The following GTF3C5 variants were observed in gnomAD, a reference collection of about 807,000 sequenced individuals.
GTF3C5 encodes the protein general transcription factor IIIC subunit 5, also known as general transcription factor 3C polypeptide 5.
In GTF3C5, 47 loss-of-function variants were observed where a neutral mutation model predicts 61.0. The observed-to-expected ratio is 0.77, with a 90% CI of 0.61 to 0.98. GTF3C5 has a LOEUF of 0.98. GTF3C5 is among the 50% of genes least tolerant of loss of function. The pLI is 0.00. For synonymous variants in GTF3C5, 295 were observed against 275.4 expected (o/e 1.07, Z -0.71); for missense variants, 659 against 703.3 (o/e 0.94, Z 0.71).
Position 133,058,142 on chromosome 9 carries a change from G to T in GTF3C5, c.*162G>T. 6.9e-7 allele frequency: 1 copy of T among 1,453,196 alleles called. No individual in the cohort carries two copies. The highest frequency in any genetic ancestry group is 2.8e-5 in the Admixed American group (1 of 35,856). 90.0% of individuals were successfully genotyped at this position (1,453,196 alleles called of 1,614,324 possible). A position where few individuals can be genotyped will look rare whatever the true frequency, so the allele number is the denominator to read the frequency against. On this transcript the variant is annotated 3_prime_UTR_variant, in exon 11 of 11. Coordinates refer to ENST00000372097, the MANE Select transcript of GTF3C5 (RefSeq NM_012087.4). ...AAGGGTGCAGCTGACCCTAGCACTG[G>T]CTGTGACATGCTGCTTGGTGCTGCC...
At chr9:133,040,423 TATTC>T (rs1364530283) in intron 1 of GTF3C5, among the ~76,000 whole-genome samples, 1 of 152,246 alleles carries the variant, frequency 6.6e-6, no homozygotes, top group African/African-American at 2.4e-5. Context: ...ATTGGGCAAG[TATTC>T]ATTCATATGT....
chr9:133,058,071 C>T lies in GTF3C5; in HGVS notation c.*91C>T, dbSNP rs1367740297. The stretch of plus-strand genomic sequence containing the variant: ...GCTCCCCATTGCCACCCACAGTGCC[C>T]GGAATGGCCCTAGGAGGCCCTCTGA... On this transcript the variant is annotated 3_prime_UTR_variant, in exon 11 of 11. Transcript: ENST00000372097. 15 of 1,579,110 alleles carry T rather than the reference C, an allele frequency of 9.5e-6. No homozygotes were observed. Among genetic ancestry groups the T allele is most frequent in the East Asian group, 6.7e-5 (3 of 44,514 alleles).
At chr9:133,056,697 C>G in intron 9 of GTF3C5, 69 bp from the exon 10 acceptor site, 2 of 1,461,408 alleles carry the variant, frequency 1.4e-6, no homozygotes, top group Non-Finnish European at 9.2e-7. Context: ...CTGGCAAAAA[C>G]CAACACTGGC....
rs760048518 is a variant in GTF3C5 at position 133,057,935 on chromosome 9, C to G, written c.1515C>G (p.Asp505Glu). Residue 505 changes from aspartate (D) to glutamate (E), a missense_variant, in exon 11 of 11, where the codon GAC becomes GAG. Asp to Glu is a conservative substitution (Grantham distance 45, BLOSUM62 2). Transcript: ENST00000372097. ...EEEEEDFKPS[D>E]GSENEMETEI... The stretch of plus-strand genomic sequence containing the variant: ...AGGAGGAGGACTTCAAGCCATCCGA[C>G]GGCAGTGAAAACGAAATGGAGACAG... 1 of 1,613,846 alleles carries G rather than the reference C, an allele frequency of 6.2e-7. No homozygotes were observed. Among genetic ancestry groups the G allele is most frequent in the African/African-American group, 1.3e-5 (1 of 74,924 alleles).
rs1849809565 is a variant in GTF3C5 at position 133,034,365 on chromosome 9, C to CT, written c.153+3204dup. On this transcript the variant is annotated intron_variant, in intron 1 of 10. Coordinates refer to ENST00000372097, the MANE Select transcript of GTF3C5 (RefSeq NM_012087.4). ...ATACTTAACTACATCGGATAGCTGC[C>CT]TTTGAGCTTGTTCGTATCTGCACGG... 3.9e-5 allele frequency among the ~76,000 whole-genome samples: 6 copies of CT among 152,256 alleles called. No homozygotes were observed. In the South Asian group the frequency reaches 1.2e-3, roughly 32 times the overall value.
intron 3 of GTF3C5, among the ~76,000 whole-genome samples, chr9:133,048,584 G>A (rs182949849): frequency 3.9e-5 from 6 of 152,292 alleles, no homozygotes; most frequent in Non-Finnish European, 5.9e-5. Flanking sequence ...CAGGAGAATC[G>A]CTTGAACCCA....
At chr9:133,045,025 C>G (rs1350004545) in intron 3 of GTF3C5, among the ~76,000 whole-genome samples, 1 of 152,170 alleles carries the variant, frequency 6.6e-6, no homozygotes, top group Non-Finnish European at 1.5e-5. Flanking sequence ...GTTGGAAAGG[C>G]AGGCCTGGGC....
intron 1 of GTF3C5, among the ~76,000 whole-genome samples, chr9:133,038,272 T>C (rs1199652666): frequency 6.6e-6 from 1 of 151,322 alleles, no homozygotes; most frequent in South Asian, 2.1e-4. Flanking sequence ...AGGGACGGAG[T>C]TGCTGGACGG....
In GTF3C5 at chr9:133,057,985, G is replaced by A. The variant is rs192091536; in HGVS notation, c.*5G>A. ...GAGATTCTGGACTACGTGTGACAGG[G>A]CCCAAGGCTGGGCCTCCCTGACCCG... is the stretch of plus-strand genomic sequence containing the variant. On this transcript the variant is annotated 3_prime_UTR_variant, in exon 11 of 11. Coordinates refer to ENST00000372097, the MANE Select transcript of GTF3C5 (RefSeq NM_012087.4). 2.0e-5 allele frequency: 33 copies of A among 1,613,770 alleles called. No homozygotes were observed. In the Middle Eastern group the frequency reaches 8.3e-4, roughly 40 times the overall value.
upstream of GTF3C5, chr9:133,030,739 A>T: frequency 1.8e-6 from 1 of 562,480 alleles, no homozygotes; most frequent in Non-Finnish European, 3.2e-6. Flanking sequence ...CTCGCTGGCT[A>T]GTAGGAGAGA....
intron 1 of GTF3C5, among the ~76,000 whole-genome samples, chr9:133,041,052 C>G (rs1449919082): frequency 6.6e-6 from 1 of 152,210 alleles, no homozygotes; most frequent in African/African-American, 2.4e-5. Flanking sequence ...AGAGTGCGAG[C>G]CTTCTGTTAT....
intron 1 of GTF3C5, among the ~76,000 whole-genome samples, chr9:133,035,814 G>T (rs1825881334): frequency 6.6e-6 from 1 of 152,166 alleles, no homozygotes; most frequent in African/African-American, 2.4e-5. Flanking sequence ...TATTTCTTCT[G>T]GCAGCTGGAG....
chr9:133,044,658 G>T (rs1219535160), intron 3 of GTF3C5, among the ~76,000 whole-genome samples: 3 of 152,120 alleles, frequency 2.0e-5, no homozygotes, highest in African/African-American at 7.2e-5. Flanking sequence ...GCCCTGTGCG[G>T]CTGGAGGTCG....
intron 1 of GTF3C5, among the ~76,000 whole-genome samples, chr9:133,035,524 T>C (rs916814651): frequency 9.9e-5 from 15 of 152,228 alleles, no homozygotes; most frequent in African/African-American, 3.6e-4. Context: ...TTGATGCAGC[T>C]GAGATAAGAC....
intron 1 of GTF3C5, among the ~76,000 whole-genome samples, chr9:133,040,043 T>C (rs1276190407): frequency 6.6e-6 from 1 of 152,208 alleles, no homozygotes; most frequent in South Asian, 2.1e-4. Flanking sequence ...TATTATTCTC[T>C]TGATTTATGG....
intron 3 of GTF3C5, chr9:133,044,169 A>AAC: frequency 1.9e-6 from 1 of 515,296 alleles, no homozygotes; most frequent in Non-Finnish European, 3.5e-6. Flanking sequence ...AAAAAAAAAA[A>AAC]GAAAATGGGA....
At position 133,058,343 on chromosome 9, in the gene GTF3C5, T is replaced by C; in HGVS notation, c.*363T>C. On this transcript the variant is annotated 3_prime_UTR_variant, in exon 11 of 11. Coordinates refer to ENST00000372097, the MANE Select transcript of GTF3C5 (RefSeq NM_012087.4). ...GCCCCAGGCCACAGGCCAGTCTCGC[T>C]TGGCTCTCATGACTGTGGTGGTGGA... 1 of 219,272 alleles carries C rather than the reference T, an allele frequency of 4.6e-6. No homozygotes were observed. Among genetic ancestry groups the C allele is most frequent in the South Asian group, 7.3e-5 (1 of 13,648 alleles). The allele number at this position is 219,272 out of a possible 1,614,324, so 13.6% of individuals were successfully genotyped here.
At chr9:133,038,317 T>G (rs1409669685) in intron 1 of GTF3C5, among the ~76,000 whole-genome samples, 1 of 152,046 alleles carries the variant, frequency 6.6e-6, no homozygotes, top group East Asian at 1.9e-4. Context: ...GGCGTGTGGT[T>G]TCCTTGGCAA....
intron 2 of GTF3C5, among the ~76,000 whole-genome samples, chr9:133,043,363 A>G (rs996733123): frequency 6.6e-6 from 1 of 152,262 alleles, no homozygotes; most frequent in Non-Finnish European, 1.5e-5. Context: ...GAAATGCACC[A>G]GGTCAGAACC....
Sources: allele counts gnomAD v4.1 joint callset (sites outside exome capture counted in the v4.1 genomes callset), GRCh38; gene constraint gnomAD v4.1.1; transcripts MANE v1.5; gene names NCBI Gene and HGNC (gene_info 2026-07-23, HGNC 2026-07-21).